MAPKAP1: variants seen among roughly 807,000 people sequenced by gnomAD.
MAPKAP1 encodes the protein MAPK associated protein 1.
A neutral mutation model predicts 65.7 loss-of-function variants in MAPKAP1; 20 were observed. The ratio of observed to expected loss-of-function variants is 0.30; its 90% confidence interval spans 0.21 to 0.44. The LOEUF (loss-of-function observed/expected upper bound fraction) is 0.44. Among genes scored for constraint, MAPKAP1 ranks in the 20% least tolerant of loss-of-function variants. MAPKAP1 has a pLI of 1.00. For missense variants in MAPKAP1, 423 were observed against 648.0 expected (o/e 0.65, Z 3.77); for synonymous variants, 222 against 244.3 (o/e 0.91, Z 0.85).
chr9:125,640,098 C>A (rs1009028218), intron 4 of MAPKAP1, among the ~76,000 whole-genome samples: 9 of 151,952 alleles, frequency 5.9e-5, no homozygotes, highest in African/African-American at 1.9e-4. Flanking sequence ...TAGATCATCA[C>A]GTTCTGTTTA....
chr9:125,634,290 C>T (rs1261217019), intron 4 of MAPKAP1, among the ~76,000 whole-genome samples: 1 of 152,158 alleles, frequency 6.6e-6, no homozygotes, highest in Non-Finnish European at 1.5e-5. Flanking sequence ...TGTATTTAAT[C>T]TGCTGAAACA....
chr9:125,450,065 G>A (rs1327120211), intron 10 of MAPKAP1, among the ~76,000 whole-genome samples: 1 of 151,948 alleles, frequency 6.6e-6, no homozygotes, highest in Admixed American at 6.6e-5. Context: ...TGGTATTACA[G>A]GTACCCCCCA....
Position 125,559,744 on chromosome 9 carries a change from G to A in MAPKAP1, c.737C>T (p.Pro246Leu). The change falls in exon 6 of 12, where the codon CCC becomes CTC. Residue 246 changes from proline to leucine, a missense_variant. Coordinates refer to ENST00000265960, the MANE Select transcript of MAPKAP1 (RefSeq NM_001006617.3). Reference sequence around the variant, plus strand: ...AATGGGCTCATTGGAATCCAGCGGGGGGAAATCGGTGTCCACCTCCCCATC... The same window carrying A: ...AATGGGCTCATTGGAATCCAGCGGGAGGAAATCGGTGTCCACCTCCCCATC... ...EDDGEVDTDF[P>L]PLDSNEPIHK... The A allele has an allele frequency of 6.2e-7, 1 of 1,613,882 alleles. No individual in the cohort carries two copies. The highest frequency in any genetic ancestry group is 2.2e-5 in the East Asian group (1 of 44,868).
At chr9:125,589,354 A>G (rs1831884655) in intron 4 of MAPKAP1, among the ~76,000 whole-genome samples, 1 of 152,140 alleles carries the variant, frequency 6.6e-6, no homozygotes, top group African/African-American at 2.4e-5. Flanking sequence ...CTTGAGAGCA[A>G]TGTTAACGTC....
intron 4 of MAPKAP1, among the ~76,000 whole-genome samples, chr9:125,597,396 G>A (rs1268792813): frequency 6.6e-6 from 1 of 151,198 alleles, no homozygotes; most frequent in African/African-American, 2.4e-5. Flanking sequence ...CTATGATTGA[G>A]CCCCCTGCCC....
chr9:125,596,102 G>A (rs753710138), intron 4 of MAPKAP1: 5 of 898,350 alleles, frequency 5.6e-6, no homozygotes, highest in Non-Finnish European at 9.2e-6. Flanking sequence ...GCAAGAAAAG[G>A]GGACTTGCCT....
rs149770483 is a variant in MAPKAP1, at chr9:125,666,507, G to A, written c.349+3311C>T. Reference sequence around the variant, plus strand: ...TAGCAAAGCATAAATAATAGAAAAAGAATGAGGGAATGAAGTTGGGTATGG... The same window carrying A: ...TAGCAAAGCATAAATAATAGAAAAAAAATGAGGGAATGAAGTTGGGTATGG... On this transcript the variant is annotated intron_variant, in intron 3 of 11. Transcript: ENST00000265960. 4.9e-3 allele frequency among the ~76,000 whole-genome samples: 750 copies of A among 152,304 alleles called. 5 individuals are homozygous for A. The highest frequency in any genetic ancestry group is 0.017 in the African/African-American group (692 of 41,572).
intron 8 of MAPKAP1, among the ~76,000 whole-genome samples, chr9:125,503,574 C>A (rs1282057978): frequency 6.6e-6 from 1 of 152,090 alleles, no homozygotes; most frequent in Non-Finnish European, 1.5e-5. Flanking sequence ...AAGGTAAAAC[C>A]CTGCATAATT....
In MAPKAP1 at chr9:125,506,428, A is replaced by G. The variant is rs1407134746; in HGVS notation, c.959-11T>C. 2 of 1,611,454 alleles carry G rather than the reference A, an allele frequency of 1.2e-6. No individual in the cohort carries two copies. The highest frequency in any genetic ancestry group is 2.2e-5 in the East Asian group (1 of 44,876). The stretch of plus-strand genomic sequence containing the variant: ...GGCGGTACTGAGGGCCTGGAAGATC[A>G]AAGGGGCAGGAGGAGGGGAGGAAGT... On this transcript the variant is annotated splice_polypyrimidine_tract_variant and intron_variant, in intron 7 of 11. Transcript: ENST00000265960.
At chr9:125,656,351 C>T (rs537459022) in intron 4 of MAPKAP1, among the ~76,000 whole-genome samples, 76 of 152,196 alleles carry the variant, frequency 5.0e-4, no homozygotes, top group African/African-American at 1.7e-3. Context: ...CAAGGGCAGA[C>T]GAAAGAGAAG....
rs56149038 is a variant in MAPKAP1 at position 125,625,271 on chromosome 9, A to T, written c.498+32380T>A. ...ATAAATAAATAAAAAAAAAAAAAAA[A>T]AAAAAAAAACAAGGGAGAGAATTTA... On this transcript the variant is annotated intron_variant, in intron 4 of 11. Coordinates refer to ENST00000265960, the MANE Select transcript of MAPKAP1 (RefSeq NM_001006617.3). Among the ~76,000 whole-genome samples the T allele has an allele frequency of 3.9e-3, 570 of 147,494 alleles. 8 individuals are homozygous for T. Among genetic ancestry groups the T allele is most frequent in the African/African-American group, 0.013 (521 of 40,604 alleles).
chr9:125,538,513 G>A (rs1830138294), intron 7 of MAPKAP1, among the ~76,000 whole-genome samples: 1 of 150,928 alleles, frequency 6.6e-6, no homozygotes, highest in Non-Finnish European at 1.5e-5. Flanking sequence ...TCCCTTAAAG[G>A]GTCAATTTTA....
chr9:125,468,317 G>A (rs933926384), intron 9 of MAPKAP1, among the ~76,000 whole-genome samples: 12 of 152,184 alleles, frequency 7.9e-5, no homozygotes, highest in African/African-American at 1.2e-4. Context: ...GGTTTCCTGG[G>A]TGGGTGAGTT....
chr9:125,668,599 C>A (rs1243900540), intron 3 of MAPKAP1, among the ~76,000 whole-genome samples: 1 of 152,048 alleles, frequency 6.6e-6, no homozygotes, highest in Non-Finnish European at 1.5e-5. Context: ...ATGATATAAC[C>A]ACTATAAAAT....
intron 2 of MAPKAP1, 100 bp downstream of exon 2, chr9:125,672,216 G>GA (rs1413467900): frequency 2.2e-6 from 3 of 1,346,846 alleles, no homozygotes; most frequent in Non-Finnish European, 2.1e-6. Flanking sequence ...TTAATACCCG[G>GA]AAACATCCCC....
Position 125,657,674 on chromosome 9 carries a change from C to T in MAPKAP1, c.475G>A (p.Glu159Lys), listed in dbSNP as rs1288547228. The change falls in exon 4 of 12, where the codon GAG (glutamate) becomes AAG (lysine). Residue 159 changes from glutamate (E) to lysine (K), a missense_variant. Physicochemically the swap from Glu to Lys is moderately conservative, Grantham distance 56. Around this residue, in one of 6 missense-constraint regions of MAPKAP1, gnomAD observed 98 missense variants for 200.5 expected, o/e 0.49. Coordinates refer to ENST00000265960, the MANE Select transcript of MAPKAP1 (RefSeq NM_001006617.3). The stretch of plus-strand genomic sequence containing the variant: ...ACCTTGCCATCAAATTTGGAATACT[C>T]GTTAAAAGGGTTATTCAGCTGCAGA... ...CPLQLNNPFN[E>K]YSKFDGKGHV... 9.3e-6 allele frequency: 15 copies of T among 1,609,020 alleles called. No individual in the cohort carries two copies. The highest frequency in any genetic ancestry group is 1.3e-5 in the Non-Finnish European group (15 of 1,178,454).
chr9:125,565,999 A>G (rs988528406), intron 5 of MAPKAP1, among the ~76,000 whole-genome samples: 3 of 152,224 alleles, frequency 2.0e-5, no homozygotes, highest in Non-Finnish European at 4.4e-5. Context: ...AAAATACATC[A>G]GCAGGTTGAG....
At chr9:125,681,512 C>A (rs371063150) in intron 1 of MAPKAP1, among the ~76,000 whole-genome samples, 1 of 152,158 alleles carries the variant, frequency 6.6e-6, no homozygotes, top group Non-Finnish European at 1.5e-5. Context: ...GACAAAGGAA[C>A]CCTGATCCCT....
intron 4 of MAPKAP1, among the ~76,000 whole-genome samples, chr9:125,586,510 G>T (rs1192521450): frequency 4.1e-5 from 6 of 145,218 alleles, no homozygotes; most frequent in African/African-American, 1.3e-4. Flanking sequence ...CTTTGTTGTT[G>T]TTTTTTTTTT....
Sources: gnomAD v4.1 joint callset for allele counts (sites outside exome capture counted in the v4.1 genomes callset) on GRCh38, gnomAD v4.1.1 for gene constraint, gnomAD v4.1.1 regional missense constraint, MANE v1.5 for transcripts, NCBI Gene and HGNC (gene_info 2026-07-23, HGNC 2026-07-21) for gene names.